Variants in POPDC2 observed in about 807,000 individuals in gnomAD.
POPDC2 encodes popeye domain-containing protein 2.
Under a neutral mutation model 30.5 loss-of-function variants are expected in POPDC2, and 24 were observed. The ratio of observed to expected loss-of-function variants is 0.79; its 90% CI spans 0.57 to 1.11. The LOEUF (loss-of-function observed/expected upper bound fraction) is 1.11. POPDC2 is among the 50% of genes least tolerant of loss of function. The pLI, the probability that POPDC2 is intolerant of heterozygous loss-of-function variation, is 0.00. For synonymous variants in POPDC2, 185 were observed against 183.3 expected (o/e 1.01, Z -0.07); for missense variants, 409 against 447.0 (o/e 0.91, Z 0.77).
At chr3:119,656,174 T>C (rs988268535) in intron 1 of POPDC2, among the ~76,000 whole-genome samples, 1 of 152,124 alleles carries the variant, frequency 6.6e-6, no homozygotes, top group East Asian at 1.9e-4. Context: ...ATAGAGAAAA[T>C]AAACTTGAAA....
intron 2 of POPDC2, among the ~76,000 whole-genome samples, chr3:119,649,707 G>C (rs2052788210): frequency 6.6e-6 from 1 of 152,170 alleles, no homozygotes; most frequent in Admixed American, 6.5e-5. Flanking sequence ...CACTTTATAT[G>C]AATTGTCAAA....
In POPDC2 at chr3:119,652,906, G is replaced by A. The variant is rs561351585; in HGVS notation, c.600+1599C>T. 6.9e-4 allele frequency among the ~76,000 whole-genome samples: 105 copies of A among 152,280 alleles called. 1 individual carries two copies. The highest frequency in any genetic ancestry group is 1.3e-3 in the Non-Finnish European group (91 of 68,026). Reference sequence around the variant, plus strand: ...GCACTGCCCGGTGTGTGTCTGTTCCGGGGTTGGCTCATATGTTGGCTTGAG... The same window carrying A: ...GCACTGCCCGGTGTGTGTCTGTTCCAGGGTTGGCTCATATGTTGGCTTGAG... On this transcript the variant is annotated intron_variant, in intron 2 of 3. Transcript: ENST00000493094.
intron 3 of POPDC2, among the ~76,000 whole-genome samples, chr3:119,645,362 A>G (rs1018871085): frequency 5.3e-5 from 8 of 152,152 alleles, no homozygotes; most frequent in Admixed American, 6.5e-5. Flanking sequence ...GGAGATGGAG[A>G]CCATCCTGGC....
intron 1 of POPDC2, among the ~76,000 whole-genome samples, chr3:119,655,290 G>T (rs943779742): frequency 6.6e-6 from 1 of 152,158 alleles, no homozygotes; most frequent in African/African-American, 2.4e-5. Context: ...TCACACCACT[G>T]CACTCCAGCC....
At chr3:119,659,057 C>T (rs2052910539) in intron 1 of POPDC2, among the ~76,000 whole-genome samples, 1 of 152,064 alleles carries the variant, frequency 6.6e-6, no homozygotes, top group South Asian at 2.1e-4. Context: ...AAAAAATCCA[C>T]AATTGCCTAC....
chr3:119,649,630 T>G (rs190735341), intron 2 of POPDC2, among the ~76,000 whole-genome samples: 13 of 152,288 alleles, frequency 8.5e-5, no homozygotes, highest in Non-Finnish European at 1.5e-4. Flanking sequence ...ATGGAGACAG[T>G]GGAAATGATG....
rs138524770 is a variant in POPDC2 at position 119,648,610 on chromosome 3, T to C, written c.659A>G (p.His220Arg). 5 of 1,613,982 alleles carry C rather than the reference T, an allele frequency of 3.1e-6. No homozygotes were observed. The South Asian group carries it at 3.3e-5, about 11-fold the overall frequency. Residue 220 changes from histidine (H) to arginine (R), a missense_variant, in exon 3 of 4, where the codon CAT becomes CGT. By Grantham distance (29) the His-to-Arg change is conservative. Coordinates refer to ENST00000493094, the MANE Select transcript of POPDC2 (RefSeq NM_001369919.2). ...SYISWPRKSLHLLLTKERYIS... is the reference protein window; with the variant it reads ...SYISWPRKSLRLLLTKERYIS... ...GTATCGCTCTTTGGTCAGAAGAAGA[T>C]GGAGACTTTTCCGGGGCCAGGAAAT...
At chr3:119,653,768 C>T (rs944597036) in intron 2 of POPDC2, among the ~76,000 whole-genome samples, 3 of 152,202 alleles carry the variant, frequency 2.0e-5, no homozygotes, top group East Asian at 3.9e-4. Context: ...TGAGCCACCG[C>T]GCCCGGCAAG....
At position 119,660,205 on chromosome 3, in the gene POPDC2, A is replaced by C; in HGVS notation, c.219T>G (p.Cys73Trp). The change falls in exon 1 of 4, where the codon TGT becomes TGG. Residue 73 changes from cysteine (C) to tryptophan (W), a missense_variant. Transcript: ENST00000493094. ...CCVLWGWFSA[C>W]GLDIVLWSFL... The stretch of plus-strand genomic sequence containing the variant: ...AGCTCCAAAGAACAATGTCCAGGCC[A>C]CAGGCACTGAACCAGCCCCACAGCA... 6.2e-7 allele frequency: 1 copy of C among 1,614,232 alleles called. No individual in the cohort carries two copies.
intron 1 of POPDC2, among the ~76,000 whole-genome samples, chr3:119,655,975 A>T (rs149627534): frequency 0.013 from 1,965 of 152,248 alleles, 23 homozygotes; most frequent in Middle Eastern, 0.037. Flanking sequence ...TGAACACCTG[A>T]CTCAAGCTGA....
intron 1 of POPDC2, among the ~76,000 whole-genome samples, chr3:119,658,084 G>C (rs542809054): frequency 3.3e-5 from 5 of 152,298 alleles, no homozygotes; most frequent in African/African-American, 1.2e-4. Context: ...GTCTGCACAA[G>C]AGTCCCCACT....
At chr3:119,645,521 C>T (rs1480222680) in intron 3 of POPDC2, among the ~76,000 whole-genome samples, 2 of 146,776 alleles carry the variant, frequency 1.4e-5, no homozygotes, top group Non-Finnish European at 3.0e-5. Context: ...CGAGATCGCG[C>T]CACTGCGCTG....
chr3:119,647,822 C>G (rs2052761441), intron 3 of POPDC2, among the ~76,000 whole-genome samples: 1 of 152,234 alleles, frequency 6.6e-6, no homozygotes, highest in Non-Finnish European at 1.5e-5. Flanking sequence ...TAAGCCCCAG[C>G]TGTGGCCTCA....
In POPDC2 at chr3:119,648,268, C is replaced by G. The variant is rs745495744; in HGVS notation, c.1001G>C (p.Gly334Ala). 1 of 1,613,708 alleles carries G rather than the reference C, an allele frequency of 6.2e-7. No individual in the cohort carries two copies. The highest frequency in any genetic ancestry group is 8.5e-7 in the Non-Finnish European group (1 of 1,179,874). ...ACTGGTGGAGTCCTCACCCAGTATG[C>G]CACTGTCTGGCCTGGACAACCTGGC... Reference protein sequence around the residue: ...TRARLSRPDSGILGEDSTSLV... With the variant: ...TRARLSRPDSAILGEDSTSLV... The change falls in exon 3 of 4, where the codon GGC becomes GCC. Residue 334 changes from glycine (G) to alanine (A), a missense_variant. By Grantham distance (60) the Gly-to-Ala change is moderately conservative (BLOSUM62 0). Transcript: ENST00000493094.
At chr3:119,647,435 T>C (rs1284112711) in intron 3 of POPDC2, among the ~76,000 whole-genome samples, 1 of 152,202 alleles carries the variant, frequency 6.6e-6, no homozygotes, top group Non-Finnish European at 1.5e-5. Context: ...GCACGCACTG[T>C]TAGGCCCTCC....
chr3:119,648,301 G>C lies in POPDC2; in HGVS notation c.968C>G (p.Pro323Arg). Residue 323 changes from proline (P) to arginine (R), a missense_variant, in exon 3 of 4, where the codon CCT becomes CGT. Transcript: ENST00000493094. Reference protein sequence around the residue: ...PPATTNFPAPPTRARLSRPDS... With the variant: ...PPATTNFPAPRTRARLSRPDS... ...TGGCCTGGACAACCTGGCCCGGGTA[G>C]GAGGTGCAGGAAAGTTGGTGGTAGC... 1 of 1,614,146 alleles carries C rather than the reference G, an allele frequency of 6.2e-7. No homozygotes were observed. Among genetic ancestry groups the C allele is most frequent in the Non-Finnish European group, 8.5e-7 (1 of 1,180,018 alleles).
chr3:119,648,978 C>T (rs2052780259), intron 2 of POPDC2, among the ~76,000 whole-genome samples: 1 of 152,164 alleles, frequency 6.6e-6, no homozygotes, highest in African/African-American at 2.4e-5. Flanking sequence ...GCTAATGCCA[C>T]TAATGACTGC....
intron 2 of POPDC2, 125 bp downstream of exon 2, chr3:119,654,380 C>A: frequency 1.5e-6 from 1 of 685,864 alleles, no homozygotes; most frequent in East Asian, 2.6e-5. Context: ...AGAGTGCCCC[C>A]GCCTGTAGCT....
At position 119,644,565 on chromosome 3, in the gene POPDC2, A is replaced by G. The variant is rs542789397; in HGVS notation, c.*44-2004T>C. 4.6e-5 allele frequency among the ~76,000 whole-genome samples: 7 copies of G among 152,324 alleles called. No individual in the cohort carries two copies. The East Asian group carries it at 1.3e-3, about 29-fold the overall frequency. Reference sequence around the variant, plus strand: ...TTTGGGTACCACCAGACTAAAAAACATATGTCTCTTCAAAAAGGAGCTCCA... The same window carrying G: ...TTTGGGTACCACCAGACTAAAAAACGTATGTCTCTTCAAAAAGGAGCTCCA... On this transcript the variant is annotated intron_variant, in intron 3 of 3. Coordinates refer to ENST00000493094, the MANE Select transcript of POPDC2 (RefSeq NM_001369919.2).
Sources: allele counts gnomAD v4.1 joint callset (sites outside exome capture counted in the v4.1 genomes callset), GRCh38; gene constraint gnomAD v4.1.1; transcripts MANE v1.5; gene names NCBI Gene and HGNC (gene_info 2026-07-23, HGNC 2026-07-21).